Variants in LANCL2 observed in about 807,000 individuals in gnomAD.
The protein encoded by LANCL2 is LanC like glutathione S-transferase 2, also known as lanC-like protein 2.
In LANCL2, 33 loss-of-function variants were observed where a neutral mutation model predicts 56.9. The observed-to-expected ratio is 0.58, with a 90% CI of 0.44 to 0.78. The LOEUF (loss-of-function observed/expected upper bound fraction) is 0.78, where lower values mean the gene tolerates loss of function less well. Ranked by LOEUF, LANCL2 falls within the 30% of genes least tolerant of loss-of-function variation. The pLI is 0.00. For missense variants in LANCL2, 562 were observed against 580.2 expected, an observed-to-expected ratio of 0.97 and a Z score of 0.32; for synonymous variants, 233 against 228.2, an observed-to-expected ratio of 1.02 and a Z score of -0.19.
At chr7:55,419,374 G>A (rs1207727085) in intron 6 of LANCL2, among the ~76,000 whole-genome samples, 1 of 144,106 alleles carries the variant, frequency 6.9e-6, no homozygotes. Flanking sequence ...AAGGTCTGAA[G>A]TGATAGTTTC....
At chr7:55,430,006 C>T (rs935398810) in intron 8 of LANCL2, among the ~76,000 whole-genome samples, 4 of 152,252 alleles carry the variant, frequency 2.6e-5, no homozygotes, top group Non-Finnish European at 5.9e-5. Flanking sequence ...GGCACCCCTT[C>T]TGGAGGAGCT....
chr7:55,407,580 G>C (rs1175383485), intron 5 of LANCL2, among the ~76,000 whole-genome samples: 1 of 152,228 alleles, frequency 6.6e-6, no homozygotes, highest in Non-Finnish European at 1.5e-5. Context: ...ATTTAAGTTG[G>C]TGGACTTTGA....
At chr7:55,424,419 G>T (rs182202902) in intron 6 of LANCL2, among the ~76,000 whole-genome samples, 1 of 152,120 alleles carries the variant, frequency 6.6e-6, no homozygotes, top group Non-Finnish European at 1.5e-5. Flanking sequence ...TAGCCTGGTG[G>T]TGCAGGGTCC....
intron 1 of LANCL2, among the ~76,000 whole-genome samples, 172 bp from the exon 2 acceptor site, chr7:55,391,621 A>T (rs1285793867): frequency 6.6e-6 from 1 of 152,044 alleles, no homozygotes; most frequent in African/African-American, 2.4e-5. Context: ...TTATCTCATT[A>T]AAAAAAGTAA....
At chr7:55,372,557 A>C (rs1377903678) in intron 1 of LANCL2, among the ~76,000 whole-genome samples, 3 of 152,226 alleles carry the variant, frequency 2.0e-5, no homozygotes, top group African/African-American at 7.2e-5. Flanking sequence ...ATAATGGCTA[A>C]TTAGGTTAAT....
At chr7:55,391,212 G>T (rs183358599) in intron 1 of LANCL2, among the ~76,000 whole-genome samples, 1 of 151,464 alleles carries the variant, frequency 6.6e-6, no homozygotes, top group Admixed American at 6.6e-5. Context: ...TAGAGACGGG[G>T]TTTCACTGTG....
At chr7:55,400,938 A>T (rs1480486542) in intron 4 of LANCL2, among the ~76,000 whole-genome samples, 1 of 152,172 alleles carries the variant, frequency 6.6e-6, no homozygotes, top group Non-Finnish European at 1.5e-5. Flanking sequence ...AGAATTTTTT[A>T]TTTCTTAGAC....
intron 1 of LANCL2, chr7:55,379,583 A>G (rs1790042858): frequency 6.5e-6 from 1 of 152,698 alleles, no homozygotes; most frequent in Non-Finnish European, 1.5e-5. Context: ...CACTGCAGGT[A>G]TTAAAGAGGT....
At chr7:55,384,450 G>A (rs890370575) in intron 1 of LANCL2, among the ~76,000 whole-genome samples, 7 of 152,170 alleles carry the variant, frequency 4.6e-5, no homozygotes, top group African/African-American at 1.2e-4. Flanking sequence ...TACTTGGGGG[G>A]CTGAGGCAGG....
chr7:55,412,027 C>A lies in LANCL2; in HGVS notation c.946C>A (p.Arg316=), dbSNP rs762163289. The change falls in exon 6 of 9, where the codon CGG becomes AGG. Residue 316 remains arginine, a synonymous_variant. Transcript: ENST00000254770. ...ATCATCATTAAGCAATGAAACAGAC[C>A]GGCTGGTGCACTGGTGCCACGGCGC... ...YPSSLSNETD[R]LVHWCHGAPG... is the part of the protein sequence containing the mutation. 1.4e-5 allele frequency: 22 copies of A among 1,614,062 alleles called. No homozygotes were observed. The East Asian group carries it at 4.5e-4, about 33-fold the overall frequency.
At chr7:55,413,558 T>TC (rs1340948797) in intron 6 of LANCL2, among the ~76,000 whole-genome samples, 1 of 152,202 alleles carries the variant, frequency 6.6e-6, no homozygotes, top group Non-Finnish European at 1.5e-5. Context: ...CCTGGGCAGT[T>TC]CCATTTTCAT....
chr7:55,366,177 G>A lies in LANCL2; in HGVS notation c.152G>A (p.Arg51His). 1.9e-6 allele frequency: 3 copies of A among 1,557,398 alleles called. No homozygotes were observed. Among genetic ancestry groups the A allele is most frequent in the Non-Finnish European group, 2.6e-6 (3 of 1,150,016 alleles). Residue 51 changes from arginine (R) to histidine (H), a missense_variant, in exon 1 of 9, where the codon CGT becomes CAT. Around this residue, in one of 2 missense-constraint regions of LANCL2, gnomAD observed 184 missense variants for 111.8 expected, o/e 1.65. Transcript: ENST00000254770. The stretch of plus-strand genomic sequence containing the variant: ...GCGGCCGAAGAGACAGGCTGTGTTC[G>A]TCCCCCGGCGACCACGGATGAGCCC... ...SGAAEETGCV[R>H]PPATTDEPGL...
Position 55,432,482 on chromosome 7 carries a change from A to G in LANCL2, c.*1162A>G, listed in dbSNP as rs1325078623. The G allele has an allele frequency of 2.0e-5, 3 of 152,218 alleles. No individual in the cohort carries two copies. The highest frequency in any genetic ancestry group is 7.2e-5 in the African/African-American group (3 of 41,452). The allele number at this position is 152,218 out of a possible 1,614,324, so 9.4% of individuals were successfully genotyped here. A position where few individuals can be genotyped will look rare whatever the true frequency, so the allele number is the denominator to read the frequency against. Reference sequence around the variant, plus strand: ...GGGTTAGCCTACCTTCATTAATTCTATCACATAGATTTCAGTTTTTAGAAG... The same window carrying G: ...GGGTTAGCCTACCTTCATTAATTCTGTCACATAGATTTCAGTTTTTAGAAG... On this transcript the variant is annotated 3_prime_UTR_variant, in exon 9 of 9. Transcript: ENST00000254770.
At position 55,431,364 on chromosome 7, in the gene LANCL2, C is replaced by T. The variant is rs775122295; in HGVS notation, c.*44C>T. Reference sequence around the variant, plus strand: ...TAAAATACCCATTTGGACCAAAAGCCACCAGATTGCTTAGTGCCTGACACA... The same window carrying T: ...TAAAATACCCATTTGGACCAAAAGCTACCAGATTGCTTAGTGCCTGACACA... On this transcript the variant is annotated 3_prime_UTR_variant, in exon 9 of 9. Coordinates refer to ENST00000254770, the MANE Select transcript of LANCL2 (RefSeq NM_018697.4). The T allele has an allele frequency of 2.6e-5, 37 of 1,442,616 alleles. 1 individual carries two copies. The highest frequency in any genetic ancestry group is 1.3e-4 in the African/African-American group (9 of 70,958). 89.4% of individuals were successfully genotyped at this position (1,442,616 alleles called of 1,614,324 possible). A position where few individuals can be genotyped will look rare whatever the true frequency, so the allele number is the denominator to read the frequency against.
chr7:55,404,600 G>T (rs1014137544), intron 5 of LANCL2, among the ~76,000 whole-genome samples: 1 of 151,782 alleles, frequency 6.6e-6, no homozygotes, highest in African/African-American at 2.4e-5. Context: ...TTCATTTTGT[G>T]AATTTTCTTT....
chr7:55,366,337 C>T (rs1789867764), intron 1 of LANCL2, 108 bp downstream of exon 1: 2 of 985,174 alleles, frequency 2.0e-6, no homozygotes, highest in Non-Finnish European at 2.9e-6. Context: ...CTTGGGAGGG[C>T]GCGGGATGAT....
At chr7:55,398,346 T>C in intron 2 of LANCL2, 77 bp from the exon 3 acceptor site, 1 of 1,054,568 alleles carries the variant, frequency 9.5e-7, no homozygotes, top group African/African-American at 1.6e-5. Context: ...AGGTATTTCA[T>C]GTAATTATAA....
chr7:55,388,913 T>A (rs1790155935), intron 1 of LANCL2, among the ~76,000 whole-genome samples: 1 of 152,154 alleles, frequency 6.6e-6, no homozygotes, highest in African/African-American at 2.4e-5. Flanking sequence ...CGTTTGCCTT[T>A]GAGTGGCCTG....
chr7:55,416,231 T>C (rs1454287817), intron 6 of LANCL2, among the ~76,000 whole-genome samples: 16 of 152,238 alleles, frequency 1.1e-4, no homozygotes, highest in Admixed American at 9.2e-4. Flanking sequence ...ATGTTGCATG[T>C]GCTCATGGGC....
Sources: allele counts gnomAD v4.1 joint callset (sites outside exome capture counted in the v4.1 genomes callset), GRCh38; gene constraint gnomAD v4.1.1; regional missense constraint gnomAD v4.1.1; transcripts MANE v1.5; gene names NCBI Gene and HGNC (gene_info 2026-07-23, HGNC 2026-07-21).